Variants in NRG1 observed in about 807,000 individuals in gnomAD.
NRG1 encodes neuregulin 1, also known as pro-neuregulin-1, membrane-bound isoform.
Under a neutral mutation model 63.8 loss-of-function variants are expected in NRG1, and 18 were observed. That is an observed-to-expected ratio of 0.28 (90% confidence interval 0.19 to 0.42). The LOEUF is 0.42. Among genes scored for constraint, NRG1 ranks in the 10% least tolerant of loss-of-function variants. NRG1 has a pLI of 1.00. For synonymous variants in NRG1, 302 were observed against 301.3 expected, an observed-to-expected ratio of 1.00 and a Z score of -0.02; for missense variants, 762 against 814.7, an observed-to-expected ratio of 0.94 and a Z score of 0.79.
At chr8:32,313,434 C>G (rs116718183) in intron 1 of NRG1, among the ~76,000 whole-genome samples, 3 of 152,126 alleles carry the variant, frequency 2.0e-5, no homozygotes, top group African/African-American at 7.2e-5. Flanking sequence ...TTATAAATAA[C>G]GAGTCCTCTG....
At chr8:32,667,923 G>A (rs867101321) in intron 5 of NRG1, among the ~76,000 whole-genome samples, 7 of 151,988 alleles carry the variant, frequency 4.6e-5, no homozygotes, top group Admixed American at 1.3e-4. Context: ...TTTAAAATGC[G>A]GGCTTCTGGC....
At chr8:31,701,031 T>C (rs546941256) in intron 1 of NRG1, among the ~76,000 whole-genome samples, 23 of 152,266 alleles carry the variant, frequency 1.5e-4, no homozygotes, top group Non-Finnish European at 2.2e-4. Context: ...CTACCTACAG[T>C]AGTGTGAATC....
chr8:31,693,294 G>A (rs557050642), intron 1 of NRG1, among the ~76,000 whole-genome samples: 93 of 152,184 alleles, frequency 6.1e-4, no homozygotes, highest in Admixed American at 9.8e-4. Context: ...ACCTTTGATA[G>A]AGGTGACAAA....
chr8:32,253,060 T>C (rs1849297682), intron 1 of NRG1, among the ~76,000 whole-genome samples: 1 of 152,240 alleles, frequency 6.6e-6, no homozygotes, highest in African/African-American at 2.4e-5. Flanking sequence ...TCTGAAACTT[T>C]GCTGAAATTG....
chr8:32,496,824 T>C (rs1423274433), intron 1 of NRG1, among the ~76,000 whole-genome samples: 1 of 152,174 alleles, frequency 6.6e-6, no homozygotes, highest in East Asian at 1.9e-4. Flanking sequence ...CTCTTTTCTG[T>C]CTATATTAGA....
rs1811229821 is a variant in NRG1, at chr8:32,387,981, T to TG, written c.38-207845dup. Reference sequence around the variant, plus strand: ...TCAAGCTTGTTACGATTCAGTCACTTGGAAAAAAACAAAAACAGACTTTCG... The same window carrying TG: ...TCAAGCTTGTTACGATTCAGTCACTTGGGAAAAAAACAAAAACAGACTTTCG... On this transcript the variant is annotated intron_variant, in intron 1 of 10. Transcript: ENST00000519301. 2.0e-5 allele frequency among the ~76,000 whole-genome samples: 3 copies of TG among 152,190 alleles called. No individual in the cohort carries two copies. In the South Asian group the frequency reaches 6.2e-4, roughly 32 times the overall value.
intron 1 of NRG1, among the ~76,000 whole-genome samples, chr8:31,657,282 C>T (rs984428801): frequency 3.3e-5 from 5 of 151,946 alleles, no homozygotes; most frequent in South Asian, 2.1e-4. Flanking sequence ...GAAAACCACA[C>T]GTTACAAATT....
chr8:32,587,305 G>A (rs1275072859), intron 1 of NRG1, among the ~76,000 whole-genome samples: 1 of 152,152 alleles, frequency 6.6e-6, no homozygotes, highest in African/African-American at 2.4e-5. Flanking sequence ...TCTGAAATTA[G>A]GTGAAATAAA....
chr8:32,470,497 C>G (rs540050112), intron 1 of NRG1, among the ~76,000 whole-genome samples: 2 of 152,162 alleles, frequency 1.3e-5, no homozygotes, highest in Non-Finnish European at 2.9e-5. Context: ...AGCCACCGCG[C>G]CCGACCATGA....
At chr8:31,907,735 G>A (rs939609120) in intron 1 of NRG1, among the ~76,000 whole-genome samples, 4 of 152,054 alleles carry the variant, frequency 2.6e-5, no homozygotes, top group Admixed American at 2.0e-4. Context: ...AGGGTGATAC[G>A]AAAATTATTA....
At chr8:32,614,294 CACAGCTGATT>C (rs1243634525) in intron 3 of NRG1, 85 of 416,880 alleles carry the variant, frequency 2.0e-4, no homozygotes, top group African/African-American at 1.3e-3. Context: ...ATTATTTTAG[CACAGCTGATT>C]TTATGCTCTT....
intron 1 of NRG1, among the ~76,000 whole-genome samples, chr8:31,714,470 G>C (rs1184940365): frequency 6.6e-6 from 1 of 152,012 alleles, no homozygotes; most frequent in Non-Finnish European, 1.5e-5. Context: ...TTTGAATCCT[G>C]ATGAGTATTA....
intron 1 of NRG1, among the ~76,000 whole-genome samples, chr8:32,415,291 C>A (rs1815708119): frequency 6.6e-6 from 1 of 150,940 alleles, no homozygotes; most frequent in African/African-American, 2.4e-5. Flanking sequence ...GCCTGTAGTC[C>A]CAGCTACTTG....
At chr8:32,186,239 T>C (rs1841949737) in intron 1 of NRG1, among the ~76,000 whole-genome samples, 2 of 150,868 alleles carry the variant, frequency 1.3e-5, no homozygotes, top group Admixed American at 6.6e-5. Context: ...CTGAGGTGGG[T>C]GGTAATGAGG....
chr8:32,055,435 T>A (rs1159715380), intron 1 of NRG1, among the ~76,000 whole-genome samples: 1 of 152,178 alleles, frequency 6.6e-6, no homozygotes, highest in Non-Finnish European at 1.5e-5. Context: ...TATATGCTTA[T>A]GGGCCTTGTC....
chr8:31,981,325 TA>T (rs1003834764), intron 1 of NRG1, among the ~76,000 whole-genome samples: 1 of 151,964 alleles, frequency 6.6e-6, no homozygotes, highest in Non-Finnish European at 1.5e-5. Flanking sequence ...GTTTTTTTCC[TA>T]AAAAAACCCA....
intron 1 of NRG1, among the ~76,000 whole-genome samples, chr8:32,527,366 A>G (rs1247773173): frequency 3.9e-5 from 6 of 152,188 alleles, no homozygotes; most frequent in Non-Finnish European, 8.8e-5. Flanking sequence ...TTGCAGCAAC[A>G]TGGATGGAAC....
chr8:32,385,409 C>T (rs1810887224), intron 1 of NRG1, among the ~76,000 whole-genome samples: 1 of 152,126 alleles, frequency 6.6e-6, no homozygotes, highest in Non-Finnish European at 1.5e-5. Flanking sequence ...TTCATTCATT[C>T]TCACACTGCC....
At chr8:32,750,348 C>A (rs760498389) in intron 7 of NRG1, among the ~76,000 whole-genome samples, 1 of 152,126 alleles carries the variant, frequency 6.6e-6, no homozygotes, top group Non-Finnish European at 1.5e-5. Context: ...TTTGGACACA[C>A]TTTTTTGTAA....
Sources: allele counts gnomAD v4.1 joint callset (sites outside exome capture counted in the v4.1 genomes callset), GRCh38; gene constraint gnomAD v4.1.1; transcripts MANE v1.5; gene names NCBI Gene and HGNC (gene_info 2026-07-23, HGNC 2026-07-21).